The following PDZRN3 variants were observed in gnomAD, a reference collection of about 807,000 sequenced individuals.
PDZRN3 encodes the protein E3 ubiquitin-protein ligase PDZRN3.
In PDZRN3, 38 loss-of-function variants were observed where a neutral mutation model predicts 85.7. The observed-to-expected ratio is 0.44, with a 90% confidence interval of 0.34 to 0.58. PDZRN3 has a LOEUF of 0.58. Among genes scored for constraint, PDZRN3 ranks in the 20% least tolerant of loss-of-function variants. PDZRN3 has a pLI of 0.01. For synonymous variants in PDZRN3, 759 were observed against 638.0 expected, an observed-to-expected ratio of 1.19 and a Z score of -2.86; for missense variants, 1,629 against 1,506.4, an observed-to-expected ratio of 1.08 and a Z score of -1.35.
intron 3 of PDZRN3, among the ~76,000 whole-genome samples, chr3:73,482,518 C>T (rs1267768099): frequency 6.6e-6 from 1 of 152,190 alleles, no homozygotes. Flanking sequence ...CTACCTGGCT[C>T]ATCTGAGGCT....
intron 3 of PDZRN3, among the ~76,000 whole-genome samples, chr3:73,419,483 C>T (rs970166581): frequency 6.6e-6 from 1 of 152,110 alleles, no homozygotes; most frequent in Non-Finnish European, 1.5e-5. Flanking sequence ...AATACGGATC[C>T]CCTGCACACG....
At chr3:73,610,592 G>A (rs1193525209) in intron 1 of PDZRN3, among the ~76,000 whole-genome samples, 1 of 152,174 alleles carries the variant, frequency 6.6e-6, no homozygotes, top group African/African-American at 2.4e-5. Context: ...CTATCTTAAA[G>A]GGGTGAAAAG....
At chr3:73,507,951 G>A (rs964425452) in intron 3 of PDZRN3, among the ~76,000 whole-genome samples, 23 of 152,098 alleles carry the variant, frequency 1.5e-4, no homozygotes, top group African/African-American at 4.8e-4. Flanking sequence ...AAATTAGCCA[G>A]GCATGGTGGC....
intron 3 of PDZRN3, among the ~76,000 whole-genome samples, chr3:73,499,502 C>G (rs1703933742): frequency 6.6e-6 from 1 of 152,184 alleles, no homozygotes; most frequent in South Asian, 2.1e-4. Flanking sequence ...ATATCTGAGG[C>G]ATCTGCTACT....
chr3:73,495,772 T>C (rs1446071792), intron 3 of PDZRN3, among the ~76,000 whole-genome samples: 1 of 152,160 alleles, frequency 6.6e-6, no homozygotes, highest in Non-Finnish European at 1.5e-5. Flanking sequence ...ATAGCAAAAA[T>C]GCAGTGCCAA....
At chr3:73,512,271 TG>T in intron 3 of PDZRN3, among the ~76,000 whole-genome samples, 1 of 152,330 alleles carries the variant, frequency 6.6e-6, no homozygotes, top group East Asian at 1.9e-4. Flanking sequence ...AGGAAACACC[TG>T]GAACTCTGTG....
At chr3:73,433,881 C>A (rs986061376) in intron 3 of PDZRN3, 1 of 1,432,482 alleles carries the variant, frequency 7.0e-7, no homozygotes, top group African/African-American at 1.4e-5. Flanking sequence ...CTCCCCCCTT[C>A]CACGCTTCCC....
intron 3 of PDZRN3, among the ~76,000 whole-genome samples, chr3:73,425,601 A>G (rs1309199343): frequency 4.7e-5 from 2 of 42,252 alleles, no homozygotes; most frequent in East Asian, 5.9e-3. Context: ...AAATAAGAAG[A>G]AAAAAAAAAA....
At chr3:73,407,938 A>G in intron 3 of PDZRN3, 1 of 583,742 alleles carries the variant, frequency 1.7e-6, no homozygotes, top group East Asian at 2.8e-5. Flanking sequence ...GAAGAGCAGT[A>G]GCAACCCCAA....
At position 73,383,405 on chromosome 3, in the gene PDZRN3, G is replaced by T. The variant is rs751340115; in HGVS notation, c.3161C>A (p.Thr1054Asn). The stretch of plus-strand genomic sequence containing the variant: ...CGATAGGAAGGAATTGTATACTCTA[G>T]TGCCGTCCGGGGATTTTGTGCCGTG... ...LTHGTKSPDG[T>N]RVYNSFLSVT... Residue 1054 changes from threonine (T) to asparagine (N), a missense_variant, in exon 10 of 10, where the codon ACT becomes AAT. Transcript: ENST00000263666. 1.2e-6 allele frequency: 2 copies of T among 1,613,742 alleles called. No individual in the cohort carries two copies. Among genetic ancestry groups the T allele is most frequent in the Non-Finnish European group, 1.7e-6 (2 of 1,179,822 alleles).
In PDZRN3 at chr3:73,382,997, GA is replaced by G. The variant is rs1703274320; in HGVS notation, c.*367del. 3 of 172,324 alleles carry G rather than the reference GA, an allele frequency of 1.7e-5. No individual in the cohort carries two copies. Among genetic ancestry groups the G allele is most frequent in the Admixed American group, 5.6e-5 (1 of 17,744 alleles). 10.7% of individuals were successfully genotyped at this position (172,324 alleles called of 1,614,324 possible). On this transcript the variant is annotated 3_prime_UTR_variant, in exon 10 of 10. Transcript: ENST00000263666. ...GCAGTTGTATTTGTGTTTTAGGCAG[GA>G]AAAAAAGCGTGTTTAACTTTTTTAT... is the stretch of plus-strand genomic sequence containing the variant.
chr3:73,598,638 G>A (rs1702466616), intron 3 of PDZRN3, among the ~76,000 whole-genome samples: 1 of 152,164 alleles, frequency 6.6e-6, no homozygotes, highest in African/African-American at 2.4e-5. Context: ...GCAGCCATGT[G>A]GGCTGGAAGG....
intron 3 of PDZRN3, among the ~76,000 whole-genome samples, chr3:73,583,726 T>C (rs1702233736): frequency 6.6e-6 from 1 of 152,072 alleles, no homozygotes; most frequent in Non-Finnish European, 1.5e-5. Context: ...ACTGTAGGAG[T>C]CCACCCTCAA....
chr3:73,465,656 G>A (rs1041451034), intron 3 of PDZRN3, among the ~76,000 whole-genome samples: 4 of 152,192 alleles, frequency 2.6e-5, no homozygotes, highest in African/African-American at 9.6e-5. Context: ...TAGTGCCAGA[G>A]AAACGATTTT....
intron 3 of PDZRN3, among the ~76,000 whole-genome samples, chr3:73,581,168 C>A (rs1382561941): frequency 1.3e-5 from 2 of 152,170 alleles, no homozygotes; most frequent in Non-Finnish European, 2.9e-5. Context: ...GAAAGAATCA[C>A]CTGTGTGTGA....
intron 3 of PDZRN3, among the ~76,000 whole-genome samples, chr3:73,505,847 G>A (rs1704060580): frequency 6.6e-6 from 1 of 151,836 alleles, no homozygotes. Context: ...AAATAAAATT[G>A]CGCTGGATTA....
chr3:73,589,498 T>A (rs1285911513), intron 3 of PDZRN3, among the ~76,000 whole-genome samples: 1 of 152,210 alleles, frequency 6.6e-6, no homozygotes, highest in East Asian at 1.9e-4. Context: ...TCCCTCTGAA[T>A]CAGTGTAACT....
intron 3 of PDZRN3, among the ~76,000 whole-genome samples, chr3:73,525,673 C>G (rs527659444): frequency 1.3e-5 from 2 of 152,342 alleles, no homozygotes; most frequent in African/African-American, 4.8e-5. Flanking sequence ...AGTTGAGCCC[C>G]TGGTATCCAG....
At chr3:73,457,368 C>T (rs1283252648) in intron 3 of PDZRN3, among the ~76,000 whole-genome samples, 2 of 152,002 alleles carry the variant, frequency 1.3e-5, no homozygotes, top group African/African-American at 2.4e-5. Flanking sequence ...CCACCGTGCC[C>T]GGCCGTACCT....
Sources: gnomAD v4.1 joint callset for allele counts (sites outside exome capture counted in the v4.1 genomes callset) on GRCh38, gnomAD v4.1.1 for gene constraint, MANE v1.5 for transcripts, NCBI Gene and HGNC (gene_info 2026-07-23, HGNC 2026-07-21) for gene names.